The following SMYD3 variants were observed in gnomAD, a reference collection of about 807,000 sequenced individuals.
SMYD3 encodes the protein histone-lysine N-methyltransferase SMYD3.
SMYD3 carries 36 observed loss-of-function variants against 57.7 expected under a neutral mutation model. The observed-to-expected ratio is 0.62, with a 90% CI of 0.48 to 0.82. SMYD3 has a LOEUF of 0.82. Among genes scored for constraint, SMYD3 ranks in the 40% least tolerant of loss-of-function variants. The pLI is 0.00. For missense variants in SMYD3, 515 were observed against 538.8 expected, an observed-to-expected ratio of 0.96 and a Z score of 0.44; for synonymous variants, 211 against 195.0, an observed-to-expected ratio of 1.08 and a Z score of -0.68.
intron 5 of SMYD3, among the ~76,000 whole-genome samples, chr1:245,945,068 A>T (rs962266716): frequency 6.6e-6 from 1 of 152,226 alleles, no homozygotes; most frequent in Non-Finnish European, 1.5e-5. Context: ...CATTCAGGAC[A>T]TAGGCATAGG....
chr1:245,780,016 G>C (rs147811658), intron 10 of SMYD3, among the ~76,000 whole-genome samples: 1 of 152,298 alleles, frequency 6.6e-6, no homozygotes, highest in East Asian at 1.9e-4. Context: ...CAAAAAGACA[G>C]ATAATAACAA....
At chr1:246,102,525 C>G (rs1291101082) in intron 5 of SMYD3, among the ~76,000 whole-genome samples, 2 of 152,104 alleles carry the variant, frequency 1.3e-5, no homozygotes, top group African/African-American at 4.8e-5. Context: ...CTCTGAGAAT[C>G]TGGCCCCAGC....
intron 5 of SMYD3, among the ~76,000 whole-genome samples, chr1:246,183,187 C>G (rs1346139698): frequency 6.6e-6 from 1 of 152,096 alleles, no homozygotes; most frequent in Non-Finnish European, 1.5e-5. Flanking sequence ...ATTGCGAAGT[C>G]TGTACAAGCC....
At chr1:246,208,716 C>T (rs945695566) in intron 5 of SMYD3, among the ~76,000 whole-genome samples, 2 of 152,118 alleles carry the variant, frequency 1.3e-5, no homozygotes, top group Admixed American at 6.5e-5. Flanking sequence ...TGACTATTTA[C>T]GCAGAACCAT....
At chr1:246,473,241 G>A (rs61839816) in intron 1 of SMYD3, among the ~76,000 whole-genome samples, 23,003 of 152,140 alleles carry the variant, frequency 0.15, 2,215 homozygotes, top group Middle Eastern at 0.24. Context: ...CTGGCAATAC[G>A]AGAAACTATT....
intron 5 of SMYD3, among the ~76,000 whole-genome samples, chr1:246,252,720 T>C (rs985288886): frequency 2.0e-5 from 3 of 152,252 alleles, no homozygotes; most frequent in Non-Finnish European, 4.4e-5. Flanking sequence ...CTTTTCATTA[T>C]TATTATTTCC....
intron 10 of SMYD3, among the ~76,000 whole-genome samples, chr1:245,826,030 T>TTTTTTTTTTTTTTTTTTTTGAG (rs1572449561): frequency 1.4e-5 from 2 of 138,330 alleles, no homozygotes; most frequent in Non-Finnish European, 3.1e-5. Context: ...ATGTTGTATT[T>TTTTTTTTTTTTTTTTTTTTGAG]AATTAAATAT....
chr1:245,979,247 T>G (rs771177411), intron 5 of SMYD3, among the ~76,000 whole-genome samples: 2 of 152,124 alleles, frequency 1.3e-5, no homozygotes, highest in Non-Finnish European at 2.9e-5. Flanking sequence ...TAAAAACAAC[T>G]GGGATGGGCT....
chr1:245,750,603 G>A (rs572742977), intron 11 of SMYD3, among the ~76,000 whole-genome samples: 16 of 152,004 alleles, frequency 1.1e-4, no homozygotes, highest in African/African-American at 2.7e-4. Flanking sequence ...TAATTTTGCC[G>A]TTGTTTACTC....
At chr1:246,056,009 T>C (rs1297081315) in intron 5 of SMYD3, among the ~76,000 whole-genome samples, 1 of 152,022 alleles carries the variant, frequency 6.6e-6, no homozygotes, top group Non-Finnish European at 1.5e-5. Context: ...TAATGGAAAA[T>C]TTCATTATAT....
intron 5 of SMYD3, among the ~76,000 whole-genome samples, chr1:246,069,761 C>T (rs2060410592): frequency 6.6e-6 from 1 of 152,172 alleles, no homozygotes; most frequent in Non-Finnish European, 1.5e-5. Flanking sequence ...CAGGCTCACT[C>T]CTCCAGCTGC....
chr1:246,256,706 G>C (rs2148512130), intron 5 of SMYD3, among the ~76,000 whole-genome samples: 1 of 151,890 alleles, frequency 6.6e-6, no homozygotes, highest in African/African-American at 2.4e-5. Flanking sequence ...CTCTTTTTCT[G>C]CTAGCTTTGA....
At chr1:246,169,235 G>C (rs2062278497) in intron 5 of SMYD3, among the ~76,000 whole-genome samples, 1 of 151,998 alleles carries the variant, frequency 6.6e-6, no homozygotes, top group African/African-American at 2.4e-5. Context: ...GTAAGCTCAC[G>C]TTTATCTTCC....
At chr1:245,907,099 G>T (rs533025491) in intron 8 of SMYD3, among the ~76,000 whole-genome samples, 1 of 152,212 alleles carries the variant, frequency 6.6e-6, no homozygotes, top group African/African-American at 2.4e-5. Context: ...ACGTGAGGAT[G>T]GTTAATGGGG....
intron 1 of SMYD3, among the ~76,000 whole-genome samples, chr1:246,457,347 C>T (rs1182642908): frequency 6.6e-6 from 1 of 152,000 alleles, no homozygotes; most frequent in East Asian, 1.9e-4. Flanking sequence ...GCCTGGCCAA[C>T]ATGGTGAAAC....
In SMYD3 at chr1:246,384,801, G is replaced by GT. The variant is rs534038182; in HGVS notation, c.165-29708dup. On this transcript the variant is annotated intron_variant, in intron 1 of 11. Transcript: ENST00000490107. The stretch of plus-strand genomic sequence containing the variant: ...GAAAAATTATAATGGGAAACATACT[G>GT]TGACAGCTCAGTAAAAGACAACTAA... 2.7e-3 allele frequency among the ~76,000 whole-genome samples: 404 copies of GT among 152,270 alleles called. 2 individuals carry two copies. Among genetic ancestry groups the GT allele is most frequent in the Non-Finnish European group, 4.6e-3 (315 of 68,026 alleles).
In SMYD3 at chr1:245,944,733, T is replaced by C. The variant is rs182488323; in HGVS notation, c.532-14796A>G. Among the ~76,000 whole-genome samples the C allele has an allele frequency of 2.0e-5, 3 of 152,244 alleles. No homozygotes were observed. The East Asian group carries it at 5.8e-4, about 29-fold the overall frequency. ...GCCGGAGGCATCATGCTACCAAACT[T>C]AAAACTACACTACAAGGCTACTGTA... On this transcript the variant is annotated intron_variant, in intron 5 of 11. Coordinates refer to ENST00000490107, the MANE Select transcript of SMYD3 (RefSeq NM_001167740.2).
chr1:245,939,122 G>A (rs933870718), intron 5 of SMYD3, among the ~76,000 whole-genome samples: 7 of 150,378 alleles, frequency 4.7e-5, no homozygotes, highest in South Asian at 2.1e-4. Flanking sequence ...CAGCCTCGGC[G>A]ACAGAGCGAG....
intron 1 of SMYD3, among the ~76,000 whole-genome samples, chr1:246,364,684 G>A (rs771522436): frequency 5.3e-5 from 8 of 152,116 alleles, no homozygotes; most frequent in East Asian, 3.9e-4. Context: ...GTTATGGGAC[G>A]TAAAACATGG....
Sources: allele counts gnomAD v4.1 joint callset (sites outside exome capture counted in the v4.1 genomes callset), GRCh38; gene constraint gnomAD v4.1.1; transcripts MANE v1.5; gene names NCBI Gene and HGNC (gene_info 2026-07-23, HGNC 2026-07-21).